SAP130: variants seen among roughly 807,000 people sequenced by gnomAD.
SAP130 encodes histone deacetylase complex subunit SAP130.
Under a neutral mutation model 103.2 loss-of-function variants are expected in SAP130, and 16 were observed. The observed-to-expected ratio is 0.16, with a 90% CI of 0.10 to 0.24. The LOEUF (loss-of-function observed/expected upper bound fraction) is 0.24. Among genes scored for constraint, SAP130 ranks in the 10% least tolerant of loss-of-function variants. The probability of loss-of-function intolerance (pLI) is 1.00; values close to 1 mark genes in which losing one functional copy is unlikely to be tolerated. For synonymous variants in SAP130, 477 were observed against 497.0 expected (o/e 0.96, Z 0.53); for missense variants, 990 against 1,359.7 (o/e 0.73, Z 4.28).
chr2:127,987,627 T>C (rs935070372), intron 13 of SAP130, among the ~76,000 whole-genome samples: 1 of 152,164 alleles, frequency 6.6e-6, no homozygotes, highest in Non-Finnish European at 1.5e-5. Context: ...ACCATCATTG[T>C]AATTTCCATT....
chr2:128,014,636 C>CA (rs141768063), intron 5 of SAP130, among the ~76,000 whole-genome samples, 167 bp downstream of exon 5: 4,802 of 152,240 alleles, frequency 0.032, 105 homozygotes, highest in Non-Finnish European at 0.044. Context: ...AGCACCTGGC[C>CA]TTTTTTTCTT....
At chr2:127,956,686 A>G (rs967781996) in intron 15 of SAP130, among the ~76,000 whole-genome samples, 3 of 136,454 alleles carry the variant, frequency 2.2e-5, no homozygotes, top group Non-Finnish European at 3.1e-5. Context: ...CATGTACCCT[A>G]GAACTTAAAG....
chr2:127,969,973 T>TA (rs1680951961), intron 15 of SAP130, among the ~76,000 whole-genome samples: 1 of 152,156 alleles, frequency 6.6e-6, no homozygotes. Context: ...CTCACGCCTG[T>TA]AATACCAGCA....
intron 14 of SAP130, among the ~76,000 whole-genome samples, chr2:127,980,333 G>A (rs1034216603): frequency 6.6e-6 from 1 of 152,078 alleles, no homozygotes; most frequent in Non-Finnish European, 1.5e-5. Flanking sequence ...AACCTAATGC[G>A]AAACATCACT....
intron 7 of SAP130, among the ~76,000 whole-genome samples, chr2:128,001,714 T>C (rs1394231896): frequency 2.6e-5 from 4 of 152,174 alleles, no homozygotes; most frequent in Non-Finnish European, 5.9e-5. Context: ...CCTCGGTGTG[T>C]AGTAGGTAAC....
chr2:128,008,114 C>T (rs1269612362), intron 7 of SAP130, among the ~76,000 whole-genome samples: 1 of 152,164 alleles, frequency 6.6e-6, no homozygotes, highest in Non-Finnish European at 1.5e-5. Flanking sequence ...TCTAACAATT[C>T]CTCTCTCCAC....
intron 11 of SAP130, among the ~76,000 whole-genome samples, chr2:127,993,588 A>C (rs1221742372): frequency 6.6e-6 from 1 of 152,194 alleles, no homozygotes; most frequent in Non-Finnish European, 1.5e-5. Context: ...CAGTTCACAA[A>C]ATCTCAGTAA....
At chr2:127,979,846 G>A (rs140272990) in intron 14 of SAP130, among the ~76,000 whole-genome samples, 2 of 151,886 alleles carry the variant, frequency 1.3e-5, no homozygotes, top group African/African-American at 4.8e-5. Context: ...AAAGTTGGGT[G>A]ACAGGCATAT....
intron 14 of SAP130, among the ~76,000 whole-genome samples, chr2:127,978,669 G>T (rs1681647149): frequency 6.6e-6 from 1 of 152,134 alleles, no homozygotes; most frequent in Non-Finnish European, 1.5e-5. Context: ...GGATCTGAGA[G>T]AAAATAACTA....
Position 127,979,060 on chromosome 2 carries a change from T to C in SAP130, c.1959-971A>G, listed in dbSNP as rs868775717. Among the ~76,000 whole-genome samples the C allele has an allele frequency of 1.8e-4, 27 of 152,328 alleles. No homozygotes were observed. The Middle Eastern group carries it at 0.01, about 58-fold the overall frequency. On this transcript the variant is annotated intron_variant, in intron 14 of 20. Coordinates refer to ENST00000643581, the MANE Select transcript of SAP130 (RefSeq NM_001330301.2). ...TAAGGATCTCAAGATAAGAGATTCT[T>C]AATTACATTTAGATGTAGAGTTTTG... is the stretch of plus-strand genomic sequence containing the variant.
chr2:127,987,521 T>C (rs1367757454), intron 13 of SAP130, among the ~76,000 whole-genome samples: 1 of 152,096 alleles, frequency 6.6e-6, no homozygotes. Context: ...ATAATCACAG[T>C]TACTAATAAA....
chr2:128,001,238 G>A (rs1196682095), intron 7 of SAP130, among the ~76,000 whole-genome samples: 2 of 152,216 alleles, frequency 1.3e-5, no homozygotes, highest in Non-Finnish European at 2.9e-5. Flanking sequence ...AACAAAGTTG[G>A]CTATTCAAAT....
chr2:127,951,106 A>AATATGGCACAAGTC, intron 16 of SAP130, among the ~76,000 whole-genome samples: 1 of 152,344 alleles, frequency 6.6e-6, no homozygotes, highest in East Asian at 1.9e-4. Flanking sequence ...CAGATGAGAA[A>AATATGGCACAAGTC]ATATGGCACA....
At chr2:128,018,300 T>C in intron 2 of SAP130, among the ~76,000 whole-genome samples, 1 of 135,648 alleles carries the variant, frequency 7.4e-6, no homozygotes, top group Non-Finnish European at 1.5e-5. Context: ...AAACCCTATC[T>C]CTACTAAAAA....
chr2:127,977,375 C>T (rs951269648), intron 15 of SAP130, among the ~76,000 whole-genome samples: 11 of 150,654 alleles, frequency 7.3e-5, no homozygotes, highest in African/African-American at 2.7e-4. Flanking sequence ...TGGCACATGC[C>T]TGTAATCCCA....
intron 2 of SAP130, among the ~76,000 whole-genome samples, chr2:128,019,050 G>C (rs894191564): frequency 2.6e-5 from 4 of 151,848 alleles, no homozygotes; most frequent in African/African-American, 9.7e-5. Flanking sequence ...AGTGAGCTGA[G>C]ATTGCGCCAC....
At chr2:127,984,770 A>AT (rs990152713) in intron 14 of SAP130, among the ~76,000 whole-genome samples, 1 of 152,158 alleles carries the variant, frequency 6.6e-6, no homozygotes, top group African/African-American at 2.4e-5. Context: ...CATGACCTCT[A>AT]TAGTGCTGGG....
chr2:127,959,950 G>A (rs987166642), intron 15 of SAP130, among the ~76,000 whole-genome samples: 18 of 152,292 alleles, frequency 1.2e-4, no homozygotes, highest in African/African-American at 4.3e-4. Context: ...CTCTTCACAG[G>A]CATGATCATT....
In SAP130 at chr2:127,986,768, C is replaced by A; in HGVS notation, c.1958+17G>T. 1 of 1,610,692 alleles carries A rather than the reference C, an allele frequency of 6.2e-7. No individual in the cohort carries two copies. Among genetic ancestry groups the A allele is most frequent in the Non-Finnish European group, 8.5e-7 (1 of 1,177,624 alleles). On this transcript the variant is annotated intron_variant, in intron 14 of 20. Coordinates refer to ENST00000643581, the MANE Select transcript of SAP130 (RefSeq NM_001330301.2). This position sits in a 1 kb window ranked among gnomAD's most constrained non-coding sequence, Gnocchi z 4.7. ...CCAGAACCAGAGGTGTCATTCGGCACTACCAGGTCTACTCACCCATCTGTG... is the reference window on the plus strand; with the variant it reads ...CCAGAACCAGAGGTGTCATTCGGCAATACCAGGTCTACTCACCCATCTGTG...
Sources: allele counts gnomAD v4.1 joint callset (sites outside exome capture counted in the v4.1 genomes callset), GRCh38; gene constraint gnomAD v4.1.1; non-coding constraint Gnocchi (gnomAD v3.1); transcripts MANE v1.5; gene names NCBI Gene and HGNC (gene_info 2026-07-23, HGNC 2026-07-21).